HACD4: variants seen among roughly 807,000 people sequenced by gnomAD.
The protein encoded by HACD4 is 3-hydroxyacyl-CoA dehydratase 4.
A neutral mutation model predicts 33.3 loss-of-function variants in HACD4; 35 were observed. The observed-to-expected ratio is 1.05, with a 90% CI of 0.80 to 1.39. The LOEUF is 1.39. Among genes scored for constraint, HACD4 ranks in the 40% most tolerant of loss-of-function variants. The pLI is 0.00. For synonymous variants in HACD4, 118 were observed against 98.0 expected, an observed-to-expected ratio of 1.20 and a Z score of -1.21; for missense variants, 323 against 276.5, an observed-to-expected ratio of 1.17 and a Z score of -1.19.
At position 21,011,584 on chromosome 9, in the gene HACD4, C is replaced by A; in HGVS notation, c.490+5G>T. On this transcript the variant is annotated splice_donor_5th_base_variant and intron_variant, in intron 5 of 6. Transcript: ENST00000495827. ...AAGCAATACAGCAAGTCACTCTTTT[C>A]TTACCTTCAGCAAGAACACACAAAG... is the stretch of plus-strand genomic sequence containing the variant. 2 of 1,569,634 alleles carry A rather than the reference C, an allele frequency of 1.3e-6. No homozygotes were observed. Among genetic ancestry groups the A allele is most frequent in the Non-Finnish European group, 1.8e-6 (2 of 1,140,604 alleles).
intron 6 of HACD4, among the ~76,000 whole-genome samples, chr9:21,007,409 T>C (rs1373188863): frequency 1.3e-5 from 2 of 152,190 alleles, no homozygotes; most frequent in African/African-American, 4.8e-5. Context: ...TCTCTATATG[T>C]TGTTCATATG....
chr9:21,029,233 G>A (rs1818141941), intron 2 of HACD4, 62 bp downstream of exon 2: 2 of 915,716 alleles, frequency 2.2e-6, no homozygotes, highest in Non-Finnish European at 3.5e-6. Context: ...TTTAATATAA[G>A]CAGGATGAGG....
At chr9:21,026,270 A>C (rs1818058315) in intron 3 of HACD4, among the ~76,000 whole-genome samples, 1 of 152,230 alleles carries the variant, frequency 6.6e-6, no homozygotes. Flanking sequence ...TTCAAGCCTA[A>C]GTCTCCAGTC....
At position 21,029,384 on chromosome 9, in the gene HACD4, G is replaced by C; in HGVS notation, c.53C>G (p.Ala18Gly). ...AWLQPRYRKN[A>G]YLFIYYLIQF... ...GATTAAGTAATAGATGAAAAGATAC[G>C]CATTCTTCCTATACCTATAAATACA... Residue 18 changes from alanine (A) to glycine (G), a missense_variant, in exon 2 of 7, where the codon GCG (alanine) becomes GGG (glycine). Ala to Gly is a moderately conservative substitution (Grantham distance 60). Coordinates refer to ENST00000495827, the MANE Select transcript of HACD4 (RefSeq NM_001010915.5). The C allele has an allele frequency of 1.3e-6, 2 of 1,579,626 alleles. No individual in the cohort carries two copies. Among genetic ancestry groups the C allele is most frequent in the Non-Finnish European group, 1.7e-6 (2 of 1,151,608 alleles).
chr9:21,019,597 G>A (rs1417022223), intron 3 of HACD4, among the ~76,000 whole-genome samples: 1 of 151,978 alleles, frequency 6.6e-6, no homozygotes, highest in Non-Finnish European at 1.5e-5. Context: ...GATAATGACT[G>A]TGAATTAAAA....
Position 21,011,629 on chromosome 9 carries a change from T to G in HACD4, c.450A>C (p.Thr150=). 1.2e-6 allele frequency: 2 copies of G among 1,611,772 alleles called. No individual in the cohort carries two copies. The highest frequency in any genetic ancestry group is 1.7e-6 in the Non-Finnish European group (2 of 1,178,102). ...ACAAAGGATAAATTGGCATCCATAG[T>G]GTTTGACTGAGCCATGTCAAGACAG... ...SYAVLTWLSQ[T]LWMPIYPLCV... The change falls in exon 5 of 7, where the codon ACA becomes ACC. Residue 150 remains threonine, a synonymous_variant. Coordinates refer to ENST00000495827, the MANE Select transcript of HACD4 (RefSeq NM_001010915.5).
intron 3 of HACD4, among the ~76,000 whole-genome samples, chr9:21,024,485 A>C (rs1033471973): frequency 6.6e-6 from 1 of 152,230 alleles, no homozygotes; most frequent in African/African-American, 2.4e-5. Context: ...TGGTTCTTTG[A>C]TTACAGTTAT....
At chr9:21,031,470 G>T in intron 1 of HACD4, 83 bp downstream of exon 1, 1 of 1,319,742 alleles carries the variant, frequency 7.6e-7, no homozygotes, top group Non-Finnish European at 9.7e-7. Flanking sequence ...GGTGCCGCCC[G>T]CCCGCCCGCC....
chr9:21,007,176 A>C, intron 6 of HACD4, 57 bp from the exon 7 acceptor site: 1 of 918,150 alleles, frequency 1.1e-6, no homozygotes, highest in Non-Finnish European at 1.8e-6. Flanking sequence ...CTCTGGAAGA[A>C]ACAATGCTTT....
intron 3 of HACD4, among the ~76,000 whole-genome samples, chr9:21,020,631 T>C (rs1817884846): frequency 6.6e-6 from 1 of 152,176 alleles, no homozygotes; most frequent in African/African-American, 2.4e-5. Context: ...AGGAGGGGAT[T>C]GGAGAGGAGA....
chr9:21,010,649 C>G (rs1842396480), intron 5 of HACD4, among the ~76,000 whole-genome samples: 1 of 152,070 alleles, frequency 6.6e-6, no homozygotes, highest in Admixed American at 6.6e-5. Context: ...CAGGATGGTT[C>G]AAGCACACAA....
rs950525121 is a variant in HACD4 at position 21,002,562 on chromosome 9, G to A, written c.*4475C>T. ...TGGTTGCCAGGGACAGGGCAGATGG[G>A]AGAATAGGGAACCATTGCTTAATGA... On this transcript the variant is annotated 3_prime_UTR_variant, in exon 7 of 7. Transcript: ENST00000495827. 1 of 152,158 alleles carries A rather than the reference G, an allele frequency of 6.6e-6. No homozygotes were observed. Among genetic ancestry groups the A allele is most frequent in the Non-Finnish European group, 1.5e-5 (1 of 68,008 alleles). The allele number at this position is 152,158 out of a possible 1,614,324, so 9.4% of individuals were successfully genotyped here.
At chr9:21,010,866 G>C (rs983903891) in intron 5 of HACD4, among the ~76,000 whole-genome samples, 1 of 152,092 alleles carries the variant, frequency 6.6e-6, no homozygotes, top group Non-Finnish European at 1.5e-5. Flanking sequence ...CACATGCACA[G>C]TTCACAACAG....
In HACD4 at chr9:21,006,966, C is replaced by T. The variant is rs1430888554; in HGVS notation, c.*71G>A. 2 of 883,200 alleles carry T rather than the reference C, an allele frequency of 2.3e-6. No individual in the cohort carries two copies. Among genetic ancestry groups the T allele is most frequent in the East Asian group, 4.8e-5 (2 of 41,458 alleles). 54.7% of individuals were successfully genotyped at this position (883,200 alleles called of 1,614,324 possible). ...TACAAGGTATTTTTCCACCAGAATA[C>T]TTCCTGTGTTTTATTTACTGCACTG... is the stretch of plus-strand genomic sequence containing the variant. On this transcript the variant is annotated 3_prime_UTR_variant, in exon 7 of 7. Transcript: ENST00000495827. This position sits in a 1 kb window ranked among gnomAD's most constrained non-coding sequence, Gnocchi z 4.6.
chr9:21,026,806 A>AT, intron 2 of HACD4, 83 bp from the exon 3 acceptor site: 2 of 1,072,370 alleles, frequency 1.9e-6, no homozygotes, highest in Non-Finnish European at 2.8e-6. Context: ...TTGAAGTCAA[A>AT]TGGAGATTAT....
intron 4 of HACD4, among the ~76,000 whole-genome samples, chr9:21,013,681 C>T (rs771163271): frequency 6.6e-6 from 1 of 152,058 alleles, no homozygotes; most frequent in South Asian, 2.1e-4. Flanking sequence ...TTCAACAATG[C>T]TTTTTCAACA....
Position 21,029,369 on chromosome 9 carries a change from T to G in HACD4, c.68A>C (p.Tyr23Ser). The change falls in exon 2 of 7, where the codon TAT becomes TCT. Residue 23 changes from tyrosine to serine, a missense_variant. Tyr to Ser is a moderately radical substitution (Grantham distance 144). Coordinates refer to ENST00000495827, the MANE Select transcript of HACD4 (RefSeq NM_001010915.5). Reference protein sequence around the residue: ...RYRKNAYLFIYYLIQFCGHSW... With the variant: ...RYRKNAYLFISYLIQFCGHSW... ...GTGGCCACAGAACTGGATTAAGTAATAGATGAAAAGATACGCATTCTTCCT... is the reference window on the plus strand; with the variant it reads ...GTGGCCACAGAACTGGATTAAGTAAGAGATGAAAAGATACGCATTCTTCCT... 1 of 1,593,512 alleles carries G rather than the reference T, an allele frequency of 6.3e-7. No individual in the cohort carries two copies. Among genetic ancestry groups the G allele is most frequent in the African/African-American group, 1.3e-5 (1 of 74,452 alleles).
At chr9:21,021,247 T>C (rs6475498) in intron 3 of HACD4, among the ~76,000 whole-genome samples, 48,006 of 152,022 alleles carry the variant, frequency 0.32, 7,776 homozygotes, top group East Asian at 0.51. Flanking sequence ...TAAGAGCTAT[T>C]TATGACAAAC....
intron 3 of HACD4, among the ~76,000 whole-genome samples, chr9:21,018,240 C>T (rs1471456851): frequency 6.6e-6 from 1 of 152,158 alleles, no homozygotes; most frequent in Non-Finnish European, 1.5e-5. Context: ...TCCAAATATA[C>T]ACCATCTCAT....
Sources: gnomAD v4.1 joint callset for allele counts (sites outside exome capture counted in the v4.1 genomes callset) on GRCh38, gnomAD v4.1.1 for gene constraint, Gnocchi (gnomAD v3.1) non-coding constraint, MANE v1.5 for transcripts, NCBI Gene and HGNC (gene_info 2026-07-23, HGNC 2026-07-21) for gene names.